The following CYP11B1 variants were observed in gnomAD, a reference collection of about 807,000 sequenced individuals.
CYP11B1 encodes the protein cytochrome P450 11B1, mitochondrial.
Under a neutral mutation model 48.3 loss-of-function variants are expected in CYP11B1, and 34 were observed. That is an observed-to-expected ratio of 0.70 (90% CI 0.54 to 0.94). The LOEUF is 0.94. Among genes scored for constraint, CYP11B1 ranks in the 40% least tolerant of loss-of-function variants. The probability of loss-of-function intolerance (pLI) is 0.00; values close to 1 mark genes in which losing one functional copy is unlikely to be tolerated. For synonymous variants in CYP11B1, 291 were observed against 262.5 expected (o/e 1.11, Z -1.05); for missense variants, 688 against 657.4 (o/e 1.05, Z -0.51).
rs749832931 is a variant in CYP11B1, at chr8:142,876,711, A to T, written c.770T>A (p.Phe257Tyr). 3 of 1,613,422 alleles carry T rather than the reference A, an allele frequency of 1.9e-6. No individual in the cohort carries two copies. Among genetic ancestry groups the T allele is most frequent in the Non-Finnish European group, 2.5e-6 (3 of 1,179,768 alleles). ...CTGGAAGATGCAGTCCCAGGCCTCA[A>T]AGTGCTCCTTCCACACCTTGGGGCT... ...WTSPKVWKEH[F>Y]EAWDCIFQYG... The change falls in exon 4 of 9, where the codon TTT (phenylalanine) becomes TAT (tyrosine). Residue 257 changes from phenylalanine (F) to tyrosine (Y), a missense_variant. Phe to Tyr is a conservative substitution (Grantham distance 22, BLOSUM62 3). Coordinates refer to ENST00000292427, the MANE Select transcript of CYP11B1 (RefSeq NM_000497.4).
At chr8:142,876,436 G>A (rs1236971158) in intron 4 of CYP11B1, 41 bp from the exon 5 acceptor site, 2 of 1,598,078 alleles carry the variant, frequency 1.3e-6, no homozygotes, top group Non-Finnish European at 1.7e-6. Context: ...CTTTGGTGCT[G>A]GGAGACATCC....
chr8:142,877,892 A>T, intron 2 of CYP11B1: 1 of 1,434,270 alleles, frequency 7.0e-7, no homozygotes, highest in South Asian at 1.2e-5. Flanking sequence ...GTTGACAGTG[A>T]TGGCAGGCAG....
At position 142,876,233 on chromosome 8, in the gene CYP11B1, G is replaced by T. The variant is rs1040219361; in HGVS notation, c.954+8C>A. 1 of 1,614,110 alleles carries T rather than the reference G, an allele frequency of 6.2e-7. No homozygotes were observed. The highest frequency in any genetic ancestry group is 8.5e-7 in the Non-Finnish European group (1 of 1,180,034). On this transcript the variant is annotated splice_region_variant and intron_variant, in intron 5 of 8. Coordinates refer to ENST00000292427, the MANE Select transcript of CYP11B1 (RefSeq NM_000497.4). Reference sequence around the variant, plus strand: ...CCCTCTCTGGGTGGGGCTGGTTGCCGGCCTGACCGTGTCCACGCTCCCTGC... The same window carrying T: ...CCCTCTCTGGGTGGGGCTGGTTGCCTGCCTGACCGTGTCCACGCTCCCTGC...
chr8:142,877,796 G>C, intron 2 of CYP11B1: 3 of 1,595,926 alleles, frequency 1.9e-6, no homozygotes, highest in South Asian at 2.2e-5. Context: ...GATGCCCCCA[G>C]GGAATGGTGG....
At chr8:142,874,772 A>G (rs1816878571) in intron 8 of CYP11B1, among the ~76,000 whole-genome samples, 185 bp downstream of exon 8, 1 of 151,910 alleles carries the variant, frequency 6.6e-6, no homozygotes, top group Admixed American at 6.6e-5. Context: ...GCTCCTCACC[A>G]TACCAACTCC....
Position 142,875,127 on chromosome 8 carries a change from G to C in CYP11B1, c.1228C>G (p.Leu410Val), listed in dbSNP as rs200770247. Residue 410 changes from leucine (L) to valine (V), a missense_variant, in exon 8 of 9, where the codon CTG becomes GTG. By Grantham distance (32) the Leu-to-Val change is conservative (BLOSUM62 1). Transcript: ENST00000292427. ...GGGAACAAGGCGGGGTTGCGACCCA[G>C]AGAGTAGAGGAACACGCGCACCAAT... is the stretch of plus-strand genomic sequence containing the variant. ...GTLVRVFLYS[L>V]GRNPALFPRP... 6.2e-7 allele frequency: 1 copy of C among 1,614,278 alleles called. No homozygotes were observed.
At chr8:142,874,549 C>G in intron 8 of CYP11B1, 63 bp from the exon 9 acceptor site, 2 of 1,109,982 alleles carry the variant, frequency 1.8e-6, no homozygotes, top group Non-Finnish European at 2.8e-6. Flanking sequence ...GTGCAGCCTT[C>G]TCAGACCCTC....
In CYP11B1 at chr8:142,875,872, A is replaced by G; in HGVS notation, c.961T>C (p.Phe321Leu). ...TCAAAGAGCGTCATCAGCAAGGGAA[A>G]CACCGTCTGCAGGAGACACAGCTGC... ...LTAGSVDTTVFPLLMTLFELA... is the reference protein window; with the variant it reads ...LTAGSVDTTVLPLLMTLFELA... The change falls in exon 6 of 9, where the codon TTT becomes CTT. Residue 321 changes from phenylalanine to leucine, a missense_variant. Phe to Leu is a conservative substitution (Grantham distance 22). Transcript: ENST00000292427. 1 of 1,614,080 alleles carries G rather than the reference A, an allele frequency of 6.2e-7. No individual in the cohort carries two copies.
intron 2 of CYP11B1, among the ~76,000 whole-genome samples, chr8:142,877,425 G>A (rs934212060): frequency 2.6e-5 from 4 of 152,250 alleles, no homozygotes; most frequent in Admixed American, 6.5e-5. Context: ...TCAGGTCTAA[G>A]CAGGGATGAG....
rs1816859082 is a variant in CYP11B1 at position 142,873,932 on chromosome 8, C to G, written c.*441G>C. On this transcript the variant is annotated 3_prime_UTR_variant, in exon 9 of 9. Transcript: ENST00000292427. ...CTGCAGGAGGGAACTTGACTGGACT[C>G]TGAGATGCTGGGATCCCGCTTAATG... 1 of 265,782 alleles carries G rather than the reference C, an allele frequency of 3.8e-6. No homozygotes were observed. The highest frequency in any genetic ancestry group is 7.5e-6 in the Non-Finnish European group (1 of 133,996). 16.5% of individuals were successfully genotyped at this position (265,782 alleles called of 1,614,324 possible).
At chr8:142,876,060 A>T in intron 5 of CYP11B1, 181 bp downstream of exon 5, 2 of 1,122,588 alleles carry the variant, frequency 1.8e-6, no homozygotes, top group South Asian at 2.9e-5. Flanking sequence ...CACAGAAAGG[A>T]ACCCCCCATT....
intron 3 of CYP11B1, 63 bp downstream of exon 3, chr8:142,876,960 C>G: frequency 6.2e-7 from 1 of 1,612,296 alleles, no homozygotes. Context: ...CCCTTCAGTC[C>G]CCCATCCCCG....
intron 2 of CYP11B1, among the ~76,000 whole-genome samples, chr8:142,878,525 G>GCCACCAGCCACCTGCATCC (rs1817036217): frequency 6.6e-6 from 1 of 152,202 alleles, no homozygotes; most frequent in South Asian, 2.1e-4. Flanking sequence ...GAACAATGGA[G>GCCACCAGCCACCTGCATCC]CCACCAGCCA....
intron 1 of CYP11B1, 76 bp from the exon 2 acceptor site, chr8:142,879,263 G>A (rs552729681): frequency 2.5e-6 from 4 of 1,610,636 alleles, no homozygotes; most frequent in African/African-American, 1.3e-5. Flanking sequence ...CCAATCCAAA[G>A]TGTCTCCTGT....
intron 2 of CYP11B1, chr8:142,877,927 C>T: frequency 2.0e-6 from 2 of 996,224 alleles, no homozygotes; most frequent in South Asian, 2.9e-5. Context: ...CACATGCGCC[C>T]ATGCAAGACC....
chr8:142,878,994 C>A, intron 2 of CYP11B1, 38 bp downstream of exon 2: 1 of 1,612,196 alleles, frequency 6.2e-7, no homozygotes, highest in Non-Finnish European at 8.5e-7. Context: ...TACACCCAGG[C>A]TGCCCACCCT....
In CYP11B1 at chr8:142,877,222, C is replaced by T. The variant is rs1466177056; in HGVS notation, c.396G>A (p.Leu132=). The T allele has an allele frequency of 3.1e-6, 5 of 1,611,048 alleles. No homozygotes were observed. In the African/African-American group the frequency reaches 5.3e-5, roughly 17 times the overall value. Residue 132 remains leucine (L), a splice_region_variant and synonymous_variant, in exon 3 of 9, where the codon CTG becomes CTA. Transcript: ENST00000292427. ...HRGHKCGVFL[L]NGPEWRFNRL... The stretch of plus-strand genomic sequence containing the variant: ...GGTTGAAGCGCCATTCAGGCCCATT[C>T]CTACAGAGGCCAGGGCAGAGCTTGT...
At position 142,876,683 on chromosome 8, in the gene CYP11B1, G is replaced by A. The variant is rs370404312; in HGVS notation, c.798C>T (p.Tyr266=). ...HFEAWDCIFQ[Y]GDNCIQKIYQ... is the part of the protein sequence containing the mutation. The stretch of plus-strand genomic sequence containing the variant: ...CACTGCCCGGGTCCCTGGCCTCACC[G>A]TACTGGAAGATGCAGTCCCAGGCCT... The change falls in exon 4 of 9, where the codon TAC becomes TAT. Residue 266 remains tyrosine, a splice_region_variant and synonymous_variant. Transcript: ENST00000292427. 61 of 1,608,596 alleles carry A rather than the reference G, an allele frequency of 3.8e-5. No homozygotes were observed. In the African/African-American group the frequency reaches 6.0e-4, roughly 16 times the overall value.
intron 2 of CYP11B1, among the ~76,000 whole-genome samples, chr8:142,878,674 A>G (rs1363431171): frequency 6.6e-6 from 1 of 152,186 alleles, no homozygotes; most frequent in Non-Finnish European, 1.5e-5. Context: ...GACCTGGGCC[A>G]GTGGGAGTAC....
Sources: allele counts gnomAD v4.1 joint callset (sites outside exome capture counted in the v4.1 genomes callset), GRCh38; gene constraint gnomAD v4.1.1; transcripts MANE v1.5; gene names NCBI Gene and HGNC (gene_info 2026-07-23, HGNC 2026-07-21).